Variants in TMC6 observed in about 807,000 individuals in gnomAD.
The protein encoded by TMC6 is transmembrane channel like 6.
A neutral mutation model predicts 95.4 loss-of-function variants in TMC6; 71 were observed. That is an observed-to-expected ratio of 0.74 (90% CI 0.61 to 0.91). TMC6 has a LOEUF of 0.91. TMC6 is among the 40% of genes least tolerant of loss of function. The pLI is 0.00. For synonymous variants in TMC6, 514 were observed against 483.1 expected (o/e 1.06, Z -0.84); for missense variants, 1,074 against 1,079.1 (o/e 1.00, Z 0.07).
In TMC6 at chr17:78,109,470, C is replaced by A. The variant is rs779021274; in HGVS notation, c.*3678G>T. On this transcript the variant is annotated 3_prime_UTR_variant, in exon 20 of 20. Coordinates refer to ENST00000590602, the MANE Select transcript of TMC6 (RefSeq NM_001127198.5). ...GTGCAGGACTGGCCCCTGAACAGCA[C>A]AAGTGTAGTATGCCTGGGCCCCAGG... The A allele has an allele frequency of 2.2e-6, 1 of 456,622 alleles. No individual in the cohort carries two copies. Among genetic ancestry groups the A allele is most frequent in the South Asian group, 1.5e-5 (1 of 64,542 alleles). 28.3% of individuals were successfully genotyped at this position (456,622 alleles called of 1,614,324 possible).
intron 6 of TMC6, 49 bp downstream of exon 6, chr17:78,125,109 G>T: frequency 6.5e-7 from 1 of 1,546,774 alleles, no homozygotes. Context: ...TGAGGAAGTG[G>T]GTCTGGGGGC....
rs1229857519 is a variant in TMC6, at chr17:78,109,173, G to A, written c.*3975C>T. ...CACGGCAGAACGGTAAAGGCAGAAA[G>A]CACAGTGCCCAGCAGCTAGCAGTGT... On this transcript the variant is annotated 3_prime_UTR_variant, in exon 20 of 20. Coordinates refer to ENST00000590602, the MANE Select transcript of TMC6 (RefSeq NM_001127198.5). The A allele has an allele frequency of 1.2e-5, 4 of 322,050 alleles. No homozygotes were observed. Among genetic ancestry groups the A allele is most frequent in the African/African-American group, 2.2e-5 (1 of 46,158 alleles). The allele number at this position is 322,050 out of a possible 1,614,324, so 19.9% of individuals were successfully genotyped here.
rs1451487133 is a variant in TMC6 at position 78,121,912 on chromosome 17, G to A, written c.1228-201C>T. Among the ~76,000 whole-genome samples the A allele has an allele frequency of 2.0e-5, 3 of 152,166 alleles. No homozygotes were observed. The highest frequency in any genetic ancestry group is 4.1e-4 in the South Asian group (2 of 4,824). ...GGCGCAGAGAGGACCCAGTCCCCCT[G>A]CCGAGAGGCCCCTGTGCCTGGGCTG... On this transcript the variant is annotated intron_variant, in intron 10 of 19. Coordinates refer to ENST00000590602, the MANE Select transcript of TMC6 (RefSeq NM_001127198.5). This position sits in a 1 kb window ranked among gnomAD's most constrained non-coding sequence, Gnocchi z 5.6.
In TMC6 at chr17:78,117,508, C is replaced by T; in HGVS notation, c.2158G>A (p.Glu720Lys). 1 of 1,607,514 alleles carries T rather than the reference C, an allele frequency of 6.2e-7. No homozygotes were observed. Among genetic ancestry groups the T allele is most frequent in the African/African-American group, 1.3e-5 (1 of 74,880 alleles). ...WLPWVHRYLM[E>K]NTFFVFLVSA... ...ACCAGGAAGACAAAGAAGGTGTTTTCCATCAGGTACCGGTGCACCCAGGGC... is the reference window on the plus strand; with the variant it reads ...ACCAGGAAGACAAAGAAGGTGTTTTTCATCAGGTACCGGTGCACCCAGGGC... Residue 720 changes from glutamate to lysine, a missense_variant, in exon 17 of 20, where the codon GAA (glutamate) becomes AAA (lysine). Transcript: ENST00000590602.
intron 18 of TMC6, among the ~76,000 whole-genome samples, chr17:78,116,951 AG>A (rs2074148612): frequency 6.6e-6 from 1 of 152,164 alleles, no homozygotes; most frequent in African/African-American, 2.4e-5. Flanking sequence ...AAGAGTCCAT[AG>A]GGACCCAAAA....
chr17:78,125,346 T>G (rs2074653155), intron 5 of TMC6, 83 bp from the exon 6 acceptor site: 1 of 1,275,806 alleles, frequency 7.8e-7, no homozygotes. Context: ...CAGGCCTGTG[T>G]GTCCCTGCGG....
intron 1 of TMC6, 35 bp from the exon 2 acceptor site, chr17:78,126,941 T>C (rs551729911): frequency 7.6e-7 from 1 of 1,308,362 alleles, no homozygotes; most frequent in African/African-American, 1.5e-5. Context: ...AGGGGTGGTC[T>C]TCAACGCCTG....
Position 78,126,386 on chromosome 17 carries a change from C to G in TMC6, c.182-20G>C. ...TACTTCCTACAAAGCAAGAAAGACT[C>G]ACCAGGGGTCCTGGAGATGCCATTG... On this transcript the variant is annotated intron_variant, in intron 3 of 19. Transcript: ENST00000590602. The G allele has an allele frequency of 6.3e-7, 1 of 1,598,432 alleles. No individual in the cohort carries two copies. Among genetic ancestry groups the G allele is most frequent in the Non-Finnish European group, 8.5e-7 (1 of 1,177,698 alleles).
chr17:78,114,797 C>T (rs374006703), intron 18 of TMC6, among the ~76,000 whole-genome samples: 24 of 152,304 alleles, frequency 1.6e-4, no homozygotes, highest in East Asian at 3.9e-4. Flanking sequence ...TGAGCCATGC[C>T]GACCTGCACG....
Position 78,109,520 on chromosome 17 carries a change from A to G in TMC6, c.*3628T>C, listed in dbSNP as rs920836434. 2.2e-6 allele frequency: 1 copy of G among 456,410 alleles called. No individual in the cohort carries two copies. The highest frequency in any genetic ancestry group is 2.0e-5 in the African/African-American group (1 of 49,992). 28.3% of individuals were successfully genotyped at this position (456,410 alleles called of 1,614,324 possible). ...GTCATCATGAAAACCAGAAGCAGACACTCAGGAGGCTGAGGCGGGAGGATC... is the reference window on the plus strand; with the variant it reads ...GTCATCATGAAAACCAGAAGCAGACGCTCAGGAGGCTGAGGCGGGAGGATC... On this transcript the variant is annotated 3_prime_UTR_variant, in exon 20 of 20. Coordinates refer to ENST00000590602, the MANE Select transcript of TMC6 (RefSeq NM_001127198.5).
chr17:78,108,251 GC>G lies in TMC6; in HGVS notation c.*4896del, dbSNP rs61198270. On this transcript the variant is annotated 3_prime_UTR_variant, in exon 20 of 20. Transcript: ENST00000590602. ...GGACCCGCACCCCCGCCACAGGCTG[GC>G]CCCCCCCCACCCATGGGGAAGGTGG... 1,499 of 153,268 alleles carry G rather than the reference GC, an allele frequency of 9.8e-3. 26 individuals carry two copies. The highest frequency in any genetic ancestry group is 0.032 in the African/African-American group (1,340 of 41,276). The allele number at this position is 153,268 out of a possible 1,614,324, so 9.5% of individuals were successfully genotyped here.
intron 3 of TMC6, 53 bp downstream of exon 3, chr17:78,126,471 C>T: frequency 6.2e-7 from 1 of 1,610,594 alleles, no homozygotes; most frequent in Non-Finnish European, 8.5e-7. Flanking sequence ...TCCTGAGGGG[C>T]TGGGGCACCC....
chr17:78,124,855 C>G, intron 7 of TMC6, 34 bp downstream of exon 7: 1 of 1,583,570 alleles, frequency 6.3e-7, no homozygotes, highest in Non-Finnish European at 8.6e-7. Flanking sequence ...CCTGCCCAGC[C>G]GCCCCAGCCC....
intron 15 of TMC6, 191 bp from the exon 16 acceptor site, chr17:78,118,126 G>GCCAACA: frequency 1.1e-6 from 1 of 949,612 alleles, no homozygotes; most frequent in South Asian, 1.7e-5. Context: ...AACGGGTGAT[G>GCCAACA]CCAACAGCAC....
rs10715213 is a variant in TMC6, at chr17:78,110,069, GAAA to G, written c.*3076_*3078del. ...GAACAAGAGTGAAACTCCATTCCAA[GAAA>G]AAAAAAAAAAATTCACATCCAAAAT... On this transcript the variant is annotated 3_prime_UTR_variant, in exon 20 of 20. Coordinates refer to ENST00000590602, the MANE Select transcript of TMC6 (RefSeq NM_001127198.5). The G allele has an allele frequency of 0.038, 5,040 of 132,762 alleles. 122 individuals carry two copies. The highest frequency in any genetic ancestry group is 0.055 in the Non-Finnish European group (3,323 of 60,566). The allele number at this position is 132,762 out of a possible 1,614,324, so 8.2% of individuals were successfully genotyped here.
At position 78,117,542 on chromosome 17, in the gene TMC6, G is replaced by C. The variant is rs778830584; in HGVS notation, c.2124C>G (p.Val708=). The change falls in exon 17 of 20, where the codon GTC becomes GTG. Residue 708 remains valine (V), a synonymous_variant. Transcript: ENST00000590602. The stretch of plus-strand genomic sequence containing the variant: ...ACCGGTGCACCCAGGGCAGCCAGGA[G>C]ACCCTGGGGCCTGCCGCCTCCAGGT... ...VRHLEAAGPR[V]SWLPWVHRYL... The C allele has an allele frequency of 6.2e-7, 1 of 1,601,508 alleles. No individual in the cohort carries two copies. The highest frequency in any genetic ancestry group is 1.1e-5 in the South Asian group (1 of 89,626).
At chr17:78,130,780 C>T (rs1295681967), upstream of TMC6, 2 of 152,362 alleles carry the variant, frequency 1.3e-5, no homozygotes, top group African/African-American at 2.4e-5. Context: ...GGCTCCCTCA[C>T]CACCCTGCCT....
rs1043374453 is a variant in TMC6, at chr17:78,114,262, G to A, written c.2278-638C>T. ...CAGTGGCTGCTCAAGTCCTGCTCACGTGGCACCACTCTGACCCTGACACTC... is the reference window on the plus strand; with the variant it reads ...CAGTGGCTGCTCAAGTCCTGCTCACATGGCACCACTCTGACCCTGACACTC... On this transcript the variant is annotated intron_variant, in intron 18 of 19. Transcript: ENST00000590602. 9.2e-5 allele frequency among the ~76,000 whole-genome samples: 14 copies of A among 152,020 alleles called. No individual in the cohort carries two copies. In the East Asian group the frequency reaches 9.6e-4, roughly 10 times the overall value.
intron 13 of TMC6, 128 bp downstream of exon 13, chr17:78,120,525 G>T: frequency 7.2e-7 from 1 of 1,388,186 alleles, no homozygotes; most frequent in Non-Finnish European, 1.0e-6. Context: ...TATTTCCTGA[G>T]TCTTCCTCTG....
Sources: gnomAD v4.1 joint callset for allele counts (sites outside exome capture counted in the v4.1 genomes callset) on GRCh38, gnomAD v4.1.1 for gene constraint, Gnocchi (gnomAD v3.1) non-coding constraint, MANE v1.5 for transcripts, NCBI Gene and HGNC (gene_info 2026-07-23, HGNC 2026-07-21) for gene names.